The following F8 variants were observed in gnomAD, a reference collection of about 807,000 sequenced individuals.
The protein encoded by F8 is coagulation factor VIII.
In F8, 12 loss-of-function variants were observed where a neutral mutation model predicts 140.6. The ratio of observed to expected loss-of-function variants is 0.09; its 90% confidence interval spans 0.05 to 0.14. The LOEUF is 0.14. Among genes scored for constraint, F8 ranks in the 10% least tolerant of loss-of-function variants. The pLI is 1.00. For synonymous variants in F8, 585 were observed against 614.6 expected, an observed-to-expected ratio of 0.95 and a Z score of 0.71; for missense variants, 1,354 against 1,720.7, an observed-to-expected ratio of 0.79 and a Z score of 3.77.
At chrX:154,988,993 G>A (rs944005160) in intron 4 of F8, among the ~76,000 whole-genome samples, 2 of 111,860 alleles carry the variant, frequency 1.8e-5, no homozygotes, top group Non-Finnish European at 3.8e-5. Context: ...CACAGTTCCT[G>A]TTCTGCTTCT....
intron 12 of F8, 103 bp downstream of exon 12, chrX:154,953,784 TGTTAA>T (rs1452821820): frequency 5.4e-6 from 5 of 933,937 alleles, no homozygotes; most frequent in Non-Finnish European, 7.8e-6. Context: ...GTAACATAAT[TGTTAA>T]ATTTATGTGC....
At chrX:154,913,232 G>A (rs1557276874) in intron 14 of F8, among the ~76,000 whole-genome samples, 1 of 111,971 alleles carries the variant, frequency 8.9e-6, no homozygotes, top group Admixed American at 9.4e-5. Context: ...AAATTAAATT[G>A]TAAGAGAAAA....
intron 15 of F8, among the ~76,000 whole-genome samples, chrX:154,905,775 A>G (rs936858253): frequency 3.6e-5 from 4 of 111,910 alleles, no homozygotes; most frequent in Non-Finnish European, 5.7e-5. Context: ...TTGATGGGTT[A>G]CTACCTAAAA....
intron 9 of F8, among the ~76,000 whole-genome samples, chrX:154,964,266 T>C (rs782365901): frequency 2.7e-5 from 3 of 111,450 alleles, no homozygotes; most frequent in Non-Finnish European, 5.6e-5. Flanking sequence ...TAAAAGTAAC[T>C]CAAAATACAC....
intron 22 of F8, among the ~76,000 whole-genome samples, chrX:154,881,517 A>C (rs182862547): frequency 3.4e-3 from 377 of 111,529 alleles, no homozygotes; most frequent in African/African-American, 0.012. Flanking sequence ...TTTATCCCAC[A>C]AATGTAAGGT....
intron 14 of F8, among the ~76,000 whole-genome samples, chrX:154,921,584 A>G (rs1451962717): frequency 9.0e-6 from 1 of 111,480 alleles, no homozygotes; most frequent in African/African-American, 3.3e-5. Flanking sequence ...GCACACGTAT[A>G]TTTATTGCGG....
At chrX:154,918,446 A>G (rs2073111264) in intron 14 of F8, among the ~76,000 whole-genome samples, 1 of 110,804 alleles carries the variant, frequency 9.0e-6, no homozygotes, top group Non-Finnish European at 1.9e-5. Context: ...TTGAGGCAGG[A>G]ATGATTTTTC....
At chrX:154,999,997 C>A (rs1392743954) in intron 1 of F8, among the ~76,000 whole-genome samples, 1 of 112,148 alleles carries the variant, frequency 8.9e-6, no homozygotes, top group Non-Finnish European at 1.9e-5. Flanking sequence ...TACCTTTCAG[C>A]AGACTATGTA....
intron 25 of F8, among the ~76,000 whole-genome samples, chrX:154,843,135 T>G (rs1330305695): frequency 4.5e-5 from 5 of 112,242 alleles, no homozygotes; most frequent in African/African-American, 1.6e-4. Context: ...AGATCCTTTT[T>G]ATGGCTGCAT....
rs1362305882 is a variant in F8 at position 154,966,097 on chromosome X, C to A, written c.1316G>T (p.Gly439Val). ...QYLNNGPQRI[G>V]RKYKKVRFMA... is the part of the protein sequence containing the mutation. ...AAATCGGACTTTTTTGTACTTCCTA[C>A]CAATCCGCTGAGGGCCATTGTTCAA... Residue 439 changes from glycine to valine, a missense_variant, in exon 9 of 26, where the codon GGT becomes GTT. Gly to Val is a moderately radical substitution (Grantham distance 109). Transcript: ENST00000360256. The A allele has an allele frequency of 8.3e-7, 1 of 1,209,011 alleles. No homozygotes were observed. Among genetic ancestry groups the A allele is most frequent in the African/African-American group, 1.8e-5 (1 of 57,121 alleles).
intron 12 of F8, among the ~76,000 whole-genome samples, chrX:154,950,982 C>T (rs2073334528): frequency 8.9e-6 from 1 of 112,214 alleles, no homozygotes; most frequent in African/African-American, 3.2e-5. Context: ...TGGATATTTA[C>T]ATCTTTCTCC....
Position 154,931,074 on chromosome X carries a change from A to G in F8, c.2716T>C (p.Ser906Pro). The change falls in exon 14 of 26, where the codon TCA becomes CCA. Residue 906 changes from serine to proline, a missense_variant. Ser to Pro is a moderately conservative substitution (Grantham distance 74). This residue lies in a region of F8 where 658 missense variants were observed against 666.5 expected (regional missense o/e 0.99). Transcript: ENST00000360256. ...GCCAAATTGTCTGATGGAATTGTTGAAATCAGATTATTTGATGTACTAGAA... is the reference window on the plus strand; with the variant it reads ...GCCAAATTGTCTGATGGAATTGTTGGAATCAGATTATTTGATGTACTAGAA... ...KVSSTSNNLISTIPSDNLAAG... is the reference protein window; with the variant it reads ...KVSSTSNNLIPTIPSDNLAAG... The G allele has an allele frequency of 8.3e-7, 1 of 1,201,682 alleles. No individual in the cohort carries two copies. The highest frequency in any genetic ancestry group is 1.8e-5 in the South Asian group (1 of 54,890).
chrX:154,854,417 C>T (rs1300217041), intron 25 of F8, among the ~76,000 whole-genome samples: 1 of 112,256 alleles, frequency 8.9e-6, no homozygotes, highest in East Asian at 2.8e-4. Flanking sequence ...ACTGGGACTT[C>T]AGTTTTTTTC....
intron 21 of F8, among the ~76,000 whole-genome samples, chrX:154,898,403 T>G (rs2148584487): frequency 8.9e-6 from 1 of 112,378 alleles, no homozygotes. Flanking sequence ...ACTAGGTGGA[T>G]TTGTAACTGG....
At chrX:154,980,882 G>A (rs1409304842) in intron 6 of F8, among the ~76,000 whole-genome samples, 1 of 111,417 alleles carries the variant, frequency 9.0e-6, no homozygotes, top group African/African-American at 3.3e-5. Context: ...TGGGAAGACC[G>A]TGTGAGCCCA....
intron 22 of F8, 31 bp downstream of exon 22, chrX:154,896,046 A>G (rs1557275587): frequency 8.4e-7 from 1 of 1,188,064 alleles, no homozygotes; most frequent in Non-Finnish European, 1.1e-6. Context: ...TAAAGTATTC[A>G]GGCATTCCCT....
chrX:154,903,847 T>A, intron 18 of F8, 59 bp downstream of exon 18: 1 of 1,061,467 alleles, frequency 9.4e-7, no homozygotes, highest in Admixed American at 2.2e-5. Flanking sequence ...CCTAGACCAT[T>A]TAAAGTAAGT....
At chrX:154,941,402 A>T (rs1366323534) in intron 13 of F8, among the ~76,000 whole-genome samples, 1 of 111,443 alleles carries the variant, frequency 9.0e-6, no homozygotes, top group Non-Finnish European at 1.9e-5. Context: ...ACCAACAAAG[A>T]TCAAAAGAGA....
intron 9 of F8, among the ~76,000 whole-genome samples, chrX:154,962,893 C>A (rs782107013): frequency 1.0e-5 from 1 of 95,894 alleles, no homozygotes; most frequent in Admixed American, 1.1e-4. Flanking sequence ...GAGACAGAGA[C>A]GAGAGAGAGA....
Sources: allele counts gnomAD v4.1 joint callset (sites outside exome capture counted in the v4.1 genomes callset), GRCh38; gene constraint gnomAD v4.1.1; regional missense constraint gnomAD v4.1.1; transcripts MANE v1.5; gene names NCBI Gene and HGNC (gene_info 2026-07-23, HGNC 2026-07-21).